Variants in MAP9 observed in about 807,000 individuals in gnomAD.
The protein encoded by MAP9 is microtubule-associated protein 9.
Under a neutral mutation model 75.2 loss-of-function variants are expected in MAP9, and 80 were observed. The observed-to-expected ratio is 1.06, with a 90% CI of 0.89 to 1.28. The LOEUF (loss-of-function observed/expected upper bound fraction) is 1.28. Among genes scored for constraint, MAP9 ranks in the 50% most tolerant of loss-of-function variants. MAP9 has a pLI of 0.00. For synonymous variants in MAP9, 235 were observed against 237.3 expected (o/e 0.99, Z 0.09); for missense variants, 753 against 719.9 (o/e 1.05, Z -0.53).
intron 6 of MAP9, 79 bp from the exon 7 acceptor site, chr4:155,360,494 T>A: frequency 5.9e-6 from 8 of 1,353,904 alleles, no homozygotes; most frequent in Non-Finnish European, 8.0e-6. Context: ...TGCTTTCTTT[T>A]AAATGAGGAC....
chr4:155,354,043 C>T (rs763645223), intron 10 of MAP9, among the ~76,000 whole-genome samples: 2 of 152,054 alleles, frequency 1.3e-5, no homozygotes, highest in South Asian at 2.1e-4. Context: ...CACAGAGCTA[C>T]GAAAATCAAA....
rs189531534 is a variant in MAP9, at chr4:155,343,328, G to A, written c.*4455C>T. 174 of 151,694 alleles carry A rather than the reference G, an allele frequency of 1.1e-3. 2 individuals carry two copies. Among genetic ancestry groups the A allele is most frequent in the African/African-American group, 4.0e-3 (166 of 41,472 alleles). 9.4% of individuals were successfully genotyped at this position (151,694 alleles called of 1,614,324 possible). A position where few individuals can be genotyped will look rare whatever the true frequency, so the allele number is the denominator to read the frequency against. On this transcript the variant is annotated 3_prime_UTR_variant, in exon 14 of 14. Transcript: ENST00000311277. Reference sequence around the variant, plus strand: ...TTCCTTTTTTCTCAGCTTAATTTCAGCTACAGGAGAAAGTACACTAGAAAC... The same window carrying A: ...TTCCTTTTTTCTCAGCTTAATTTCAACTACAGGAGAAAGTACACTAGAAAC...
In MAP9 at chr4:155,352,923, A is replaced by T; in HGVS notation, c.1677T>A (p.Ala559=). 1 of 1,532,332 alleles carries T rather than the reference A, an allele frequency of 6.5e-7. No homozygotes were observed. Among genetic ancestry groups the T allele is most frequent in the South Asian group, 1.2e-5 (1 of 80,036 alleles). 94.9% of individuals were successfully genotyped at this position (1,532,332 alleles called of 1,614,324 possible). The change falls in exon 12 of 14, where the codon GCT becomes GCA. Residue 559 remains alanine, a synonymous_variant. Coordinates refer to ENST00000311277, the MANE Select transcript of MAP9 (RefSeq NM_001039580.2). ...TGATTTTGGATTACCATTTCTCAAC[A>T]GCAGTTAAATTATCTTTCTTTTTCT... The part of the protein sequence containing the change: ...VAEKKKDNLT[A]VEKWNEKKEA...
Position 155,374,922 on chromosome 4 carries a change from C to A in MAP9, c.160+15G>T. 1 of 1,506,082 alleles carries A rather than the reference C, an allele frequency of 6.6e-7. No homozygotes were observed. The allele number at this position is 1,506,082 out of a possible 1,614,324, so 93.3% of individuals were successfully genotyped here. On this transcript the variant is annotated intron_variant, in intron 3 of 13. Coordinates refer to ENST00000311277, the MANE Select transcript of MAP9 (RefSeq NM_001039580.2). ...AAAGAAGAAAAGTGGTTCACGTTTC[C>A]ATACTGTCACATACCAATCTCATCA... is the stretch of plus-strand genomic sequence containing the variant.
In MAP9 at chr4:155,347,835, G is replaced by A; in HGVS notation, c.1892C>T (p.Ala631Val). 6.2e-7 allele frequency: 1 copy of A among 1,608,782 alleles called. No individual in the cohort carries two copies. ...KKRHSFLESE[A>V]LPPWSPPSRT... ...GCTTGGAGGGCTCCACGGAGGAAGT[G>A]CCTCACTTTCAAGAAAGGAATGACG... Residue 631 changes from alanine (A) to valine (V), a missense_variant, in exon 14 of 14, where the codon GCA (alanine) becomes GTA (valine). By Grantham distance (64) the Ala-to-Val change is moderately conservative. Coordinates refer to ENST00000311277, the MANE Select transcript of MAP9 (RefSeq NM_001039580.2).
rs1731241896 is a variant in MAP9, at chr4:155,345,263, G to T, written c.*2520C>A. The T allele has an allele frequency of 6.6e-6, 1 of 151,850 alleles. No homozygotes were observed. Among genetic ancestry groups the T allele is most frequent in the African/African-American group, 2.4e-5 (1 of 41,380 alleles). 9.4% of individuals were successfully genotyped at this position (151,850 alleles called of 1,614,324 possible). A position where few individuals can be genotyped will look rare whatever the true frequency, so the allele number is the denominator to read the frequency against. ...ATTCAACTAGTTAATTTCAGTGCAG[G>T]TTGCTGTAAACAGGAAATAATATGT... On this transcript the variant is annotated 3_prime_UTR_variant, in exon 14 of 14. Coordinates refer to ENST00000311277, the MANE Select transcript of MAP9 (RefSeq NM_001039580.2).
intron 1 of MAP9, 154 bp downstream of exon 1, chr4:155,376,617 G>T (rs1732860428): frequency 6.6e-6 from 1 of 152,670 alleles, no homozygotes; most frequent in Non-Finnish European, 1.5e-5. Context: ...CTGAGCACCA[G>T]CGAACGCCAG....
In MAP9 at chr4:155,346,891, T is replaced by A. The variant is rs1209839480; in HGVS notation, c.*892A>T. 6.6e-6 allele frequency: 1 copy of A among 152,626 alleles called. No homozygotes were observed. Among genetic ancestry groups the A allele is most frequent in the Non-Finnish European group, 1.5e-5 (1 of 68,040 alleles). The allele number at this position is 152,626 out of a possible 1,614,324, so 9.5% of individuals were successfully genotyped here. On this transcript the variant is annotated 3_prime_UTR_variant, in exon 14 of 14. Coordinates refer to ENST00000311277, the MANE Select transcript of MAP9 (RefSeq NM_001039580.2). ...GCTTTGTGGACATTGTCAACATATTTACCTTCCCATACAGCTGTCTGCTGA... is the reference window on the plus strand; with the variant it reads ...GCTTTGTGGACATTGTCAACATATTAACCTTCCCATACAGCTGTCTGCTGA...
intron 10 of MAP9, among the ~76,000 whole-genome samples, 195 bp downstream of exon 10, chr4:155,354,876 T>C (rs1351013313): frequency 6.6e-6 from 1 of 152,170 alleles, no homozygotes; most frequent in Non-Finnish European, 1.5e-5. Context: ...TATACAAAAT[T>C]AAAATCTGTT....
At chr4:155,351,504 G>A (rs12650769) in intron 13 of MAP9, among the ~76,000 whole-genome samples, 91,556 of 149,790 alleles carry the variant, frequency 0.61, 28,694 homozygotes, top group East Asian at 0.79. Context: ...TTCATGGCAT[G>A]AGATACTATA....
intron 6 of MAP9, 112 bp from the exon 7 acceptor site, chr4:155,360,527 G>A: frequency 9.8e-7 from 1 of 1,023,492 alleles, no homozygotes; most frequent in Non-Finnish European, 1.4e-6. Flanking sequence ...CTTTTTTCTT[G>A]CAAAATATGA....
rs779056756 is a variant in MAP9, at chr4:155,352,617, A to C, written c.1800T>G (p.Ile600Met). Residue 600 changes from isoleucine (I) to methionine (M), a missense_variant, in exon 13 of 14, where the codon ATT becomes ATG. Physicochemically the swap from Ile to Met is conservative, Grantham distance 10 (BLOSUM62 1). Transcript: ENST00000311277. The stretch of plus-strand genomic sequence containing the variant: ...CTACCAGCCATTTTTCATATTCATT[A>C]ATAGCTTGTTTATCTTTATCTTTTT... ...AEKKDKDKQA[I>M]NEYEKWLENK... 6.4e-7 allele frequency: 1 copy of C among 1,561,038 alleles called. No homozygotes were observed. Among genetic ancestry groups the C allele is most frequent in the Non-Finnish European group, 8.7e-7 (1 of 1,145,678 alleles).
At chr4:155,373,062 T>C (rs1417656274) in intron 4 of MAP9, 74 bp downstream of exon 4, 1 of 949,268 alleles carries the variant, frequency 1.1e-6, no homozygotes, top group Non-Finnish European at 1.5e-6. Context: ...CTAGCTACCA[T>C]ATAAAAATTT....
At chr4:155,351,465 C>T (rs1426893241) in intron 13 of MAP9, among the ~76,000 whole-genome samples, 2 of 137,672 alleles carry the variant, frequency 1.5e-5, no homozygotes, top group Non-Finnish European at 3.2e-5. Flanking sequence ...AAAAAAAAAA[C>T]AGAAATCTGA....
At chr4:155,350,060 T>C (rs1297043242) in intron 13 of MAP9, 2 of 241,698 alleles carry the variant, frequency 8.3e-6, no homozygotes, top group Non-Finnish European at 1.7e-5. Flanking sequence ...ATTAATCTGG[T>C]AATTGGCAAG....
intron 5 of MAP9, 70 bp downstream of exon 5, chr4:155,368,511 CCTTCT>C (rs1027076524): frequency 1.7e-6 from 2 of 1,199,934 alleles, no homozygotes; most frequent in African/African-American, 3.0e-5. Flanking sequence ...TTCATTCTCT[CCTTCT>C]CTTTTTCATA....
At position 155,355,716 on chromosome 4, in the gene MAP9, C is replaced by T; in HGVS notation, c.1290G>A (p.Gln430=). The T allele has an allele frequency of 1.9e-6, 3 of 1,598,650 alleles. No homozygotes were observed. Among genetic ancestry groups the T allele is most frequent in the Non-Finnish European group, 2.6e-6 (3 of 1,175,186 alleles). ...RADNIRAAVY[Q]EWLEKKNVYL... Reference sequence around the variant, plus strand: ...TCTTAAAAATATTTTCCTTTTTTACCTGATAAACAGCTGCCCTTATGTTAT... The same window carrying T: ...TCTTAAAAATATTTTCCTTTTTTACTTGATAAACAGCTGCCCTTATGTTAT... Residue 430 remains glutamine, a splice_region_variant and synonymous_variant, in exon 9 of 14, where the codon CAG becomes CAA. Coordinates refer to ENST00000311277, the MANE Select transcript of MAP9 (RefSeq NM_001039580.2).
intron 10 of MAP9, 140 bp from the exon 11 acceptor site, chr4:155,353,480 A>C: frequency 1.4e-6 from 1 of 721,086 alleles, no homozygotes. Context: ...TAACTTTCAA[A>C]GTAGGTAATT....
intron 7 of MAP9, among the ~76,000 whole-genome samples, chr4:155,358,454 G>C (rs986099106): frequency 3.3e-5 from 5 of 152,136 alleles, no homozygotes; most frequent in Non-Finnish European, 7.4e-5. Context: ...TTTAAGAAAA[G>C]CTTGTATTTT....
Sources: gnomAD v4.1 joint callset for allele counts (sites outside exome capture counted in the v4.1 genomes callset) on GRCh38, gnomAD v4.1.1 for gene constraint, MANE v1.5 for transcripts, NCBI Gene and HGNC (gene_info 2026-07-23, HGNC 2026-07-21) for gene names.